The following SMYD5 variants were observed in gnomAD, a reference collection of about 807,000 sequenced individuals.
The protein encoded by SMYD5 is SMYD family member 5.
In SMYD5, 35 loss-of-function variants were observed where a neutral mutation model predicts 57.4. The ratio of observed to expected loss-of-function variants is 0.61; its 90% confidence interval spans 0.47 to 0.81. The LOEUF is 0.81. Ranked by LOEUF, SMYD5 falls within the 30% of genes least tolerant of loss-of-function variation. SMYD5 has a pLI of 0.00. For synonymous variants in SMYD5, 198 were observed against 189.7 expected, an observed-to-expected ratio of 1.04 and a Z score of -0.36; for missense variants, 471 against 527.9, an observed-to-expected ratio of 0.89 and a Z score of 1.06.
At chr2:73,224,410 T>C (rs895928702) in intron 10 of SMYD5, among the ~76,000 whole-genome samples, 3 of 152,104 alleles carry the variant, frequency 2.0e-5, no homozygotes, top group African/African-American at 7.2e-5. Context: ...CTCAGACAAC[T>C]GCCTTTTCCA....
intron 11 of SMYD5, 65 bp from the exon 12 acceptor site, chr2:73,225,566 T>C (rs2103723256): frequency 6.9e-7 from 1 of 1,441,624 alleles, no homozygotes; most frequent in South Asian, 1.2e-5. Flanking sequence ...AGGGTAGCTG[T>C]TGGGGAGGTC....
intron 9 of SMYD5, 106 bp downstream of exon 9, chr2:73,223,638 G>A (rs911649755): frequency 1.1e-5 from 9 of 821,456 alleles, no homozygotes; most frequent in Admixed American, 2.0e-5. Flanking sequence ...GGTGGGGGAA[G>A]GTAATCCCTT....
At chr2:73,222,690 C>A in intron 6 of SMYD5, 65 bp from the exon 7 acceptor site, 3 of 1,419,716 alleles carry the variant, frequency 2.1e-6, no homozygotes, top group Admixed American at 1.9e-5. Flanking sequence ...GTCGCCTGGG[C>A]CCTGCCTGGG....
rs1574340960 is a variant in SMYD5 at position 73,221,325 on chromosome 2, G to T, written c.537+91G>T. ...TTCCTCACCTCAAAGCCCTAGCTTG[G>T]ATGCAGAGTTCTTCCTGGCCTTCCC... On this transcript the variant is annotated intron_variant, in intron 5 of 12. Coordinates refer to ENST00000389501, the MANE Select transcript of SMYD5 (RefSeq NM_006062.3). The T allele has an allele frequency of 6.7e-6, 7 of 1,048,394 alleles. No individual in the cohort carries two copies. In the African/African-American group the frequency reaches 7.9e-5, roughly 12 times the overall value. The allele number at this position is 1,048,394 out of a possible 1,614,324, so 64.9% of individuals were successfully genotyped here.
intron 6 of SMYD5, among the ~76,000 whole-genome samples, chr2:73,222,511 G>A (rs1574341542): frequency 6.6e-6 from 1 of 152,240 alleles, no homozygotes; most frequent in African/African-American, 2.4e-5. Flanking sequence ...GGCTGCCTCA[G>A]CCTTGCTGGT....
chr2:73,214,289 T>G lies in SMYD5; in HGVS notation c.23T>G (p.Val8Gly). MAASMCD[V>G]FSFCVGVAGR... ...AAGATGGCGGCCTCCATGTGCGACG[T>G]GTTCTCCTTCTGCGTGGGCGTGGCG... Residue 8 changes from valine to glycine, a missense_variant, in exon 1 of 13, where the codon GTG (valine) becomes GGG (glycine). Transcript: ENST00000389501. 2.5e-6 allele frequency: 4 copies of G among 1,613,752 alleles called. No homozygotes were observed. Among genetic ancestry groups the G allele is most frequent in the Non-Finnish European group, 3.4e-6 (4 of 1,179,882 alleles).
rs779722841 is a variant in SMYD5, at chr2:73,218,858, C to T, written c.97-3C>T. The stretch of plus-strand genomic sequence containing the variant: ...TGGCCATCCTATCCCTCTGCCCTCT[C>T]AGGGAAAGGGGCTGTTTGCCACACA... On this transcript the variant is annotated splice_region_variant and splice_polypyrimidine_tract_variant and intron_variant, in intron 1 of 12. Transcript: ENST00000389501. 45 of 1,610,690 alleles carry T rather than the reference C, an allele frequency of 2.8e-5. No homozygotes were observed. The South Asian group carries it at 4.5e-4, about 16-fold the overall frequency.
chr2:73,221,282 A>T, intron 5 of SMYD5, 48 bp downstream of exon 5: 1 of 1,493,240 alleles, frequency 6.7e-7, no homozygotes. Flanking sequence ...GCCCCATTCA[A>T]CCCTTGGTCT....
chr2:73,214,463 T>C, intron 1 of SMYD5, 101 bp downstream of exon 1: 1 of 1,578,410 alleles, frequency 6.3e-7, no homozygotes, highest in African/African-American at 1.4e-5. Context: ...TCTGTGCCGC[T>C]CGGACGCTAC....
intron 6 of SMYD5, 100 bp downstream of exon 6, chr2:73,222,030 C>A: frequency 1.3e-6 from 1 of 756,726 alleles, no homozygotes; most frequent in Non-Finnish European, 2.3e-6. Flanking sequence ...TTCTGAGCTA[C>A]AGGAAGGAGT....
At position 73,226,093 on chromosome 2, in the gene SMYD5, T is replaced by A; in HGVS notation, c.*147T>A. ...CTCTGCTAGAGGGTAGGAGAGAGCC[T>A]GGATCTCTGGCCCCAACCCCCACCA... On this transcript the variant is annotated 3_prime_UTR_variant, in exon 13 of 13. Transcript: ENST00000389501. 12 of 1,133,898 alleles carry A rather than the reference T, an allele frequency of 1.1e-5. No individual in the cohort carries two copies. Among genetic ancestry groups the A allele is most frequent in the Non-Finnish European group, 1.3e-5 (11 of 822,020 alleles). The allele number at this position is 1,133,898 out of a possible 1,614,324, so 70.2% of individuals were successfully genotyped here.
In SMYD5 at chr2:73,224,197, C is replaced by T. The variant is rs554905990; in HGVS notation, c.940+194C>T. On this transcript the variant is annotated intron_variant, in intron 10 of 12. Coordinates refer to ENST00000389501, the MANE Select transcript of SMYD5 (RefSeq NM_006062.3). Reference sequence around the variant, plus strand: ...TCTATCATTTTTTTCATTTGTTCATCCAACTGTTTGTGCTATAATACCTGC... The same window carrying T: ...TCTATCATTTTTTTCATTTGTTCATTCAACTGTTTGTGCTATAATACCTGC... Among the ~76,000 whole-genome samples, 8 of 152,284 alleles carry T rather than the reference C, an allele frequency of 5.3e-5. No homozygotes were observed. The South Asian group carries it at 1.7e-3, about 32-fold the overall frequency.
chr2:73,216,426 C>A (rs1048957853), intron 1 of SMYD5, among the ~76,000 whole-genome samples: 1 of 151,580 alleles, frequency 6.6e-6, no homozygotes, highest in East Asian at 2.0e-4. Context: ...CGTGGTGGCT[C>A]ACACCTGTAA....
At position 73,224,063 on chromosome 2, in the gene SMYD5, T is replaced by C. The variant is rs1686455901; in HGVS notation, c.940+60T>C. The stretch of plus-strand genomic sequence containing the variant: ...CGCTTCTGCCTTTGCCAGGTGGCCT[T>C]GCAGCCACAGTTTATCTTTCTCAGT... On this transcript the variant is annotated intron_variant, in intron 10 of 12. Coordinates refer to ENST00000389501, the MANE Select transcript of SMYD5 (RefSeq NM_006062.3). The C allele has an allele frequency of 2.0e-6, 3 of 1,493,752 alleles. No individual in the cohort carries two copies. In the South Asian group the frequency reaches 3.4e-5, roughly 17 times the overall value. 92.5% of individuals were successfully genotyped at this position (1,493,752 alleles called of 1,614,324 possible). A position where few individuals can be genotyped will look rare whatever the true frequency, so the allele number is the denominator to read the frequency against.
intron 1 of SMYD5, 164 bp downstream of exon 1, chr2:73,214,526 G>T: frequency 6.8e-7 from 1 of 1,480,066 alleles, no homozygotes. Context: ...CTGCGCGCAG[G>T]CTCGTGGCGC....
intron 1 of SMYD5, among the ~76,000 whole-genome samples, chr2:73,217,987 A>G (rs540662990): frequency 1.2e-4 from 18 of 152,302 alleles, no homozygotes; most frequent in African/African-American, 3.8e-4. Flanking sequence ...TAACATGCAT[A>G]TGAATCACCT....
At chr2:73,223,289 A>G in intron 8 of SMYD5, 137 bp from the exon 9 acceptor site, 1 of 811,076 alleles carries the variant, frequency 1.2e-6, no homozygotes, top group Non-Finnish European at 2.1e-6. Context: ...CTGTTGGGGA[A>G]GATGGGCCCC....
chr2:73,222,062 G>A (rs1220860345), intron 6 of SMYD5, 132 bp downstream of exon 6: 13 of 633,288 alleles, frequency 2.1e-5, no homozygotes, highest in Middle Eastern at 2.9e-4. Flanking sequence ...TCCAGAAATC[G>A]ATTCAGAGGA....
At chr2:73,218,820 C>T (rs756835292) in intron 1 of SMYD5, 41 bp from the exon 2 acceptor site, 1 of 1,470,184 alleles carries the variant, frequency 6.8e-7, no homozygotes, top group Non-Finnish European at 9.5e-7. Context: ...GCTATGTCTT[C>T]TGTTCCTTTT....
Sources: allele counts gnomAD v4.1 joint callset (sites outside exome capture counted in the v4.1 genomes callset), GRCh38; gene constraint gnomAD v4.1.1; transcripts MANE v1.5; gene names NCBI Gene and HGNC (gene_info 2026-07-23, HGNC 2026-07-21).